Variants in XYLT1 observed in about 807,000 individuals in gnomAD.
XYLT1 encodes the protein xylosyltransferase 1.
In XYLT1, 36 loss-of-function variants were observed where a neutral mutation model predicts 91.3. The ratio of observed to expected loss-of-function variants is 0.39; its 90% CI spans 0.30 to 0.52. The LOEUF (loss-of-function observed/expected upper bound fraction) is 0.52. XYLT1 is among the 20% of genes least tolerant of loss of function. The probability of loss-of-function intolerance (pLI) is 0.68; values close to 1 mark genes in which losing one functional copy is unlikely to be tolerated. For synonymous variants in XYLT1, 588 were observed against 532.0 expected (o/e 1.11, Z -1.45); for missense variants, 1,242 against 1,284.5 (o/e 0.97, Z 0.51).
intron 1 of XYLT1, among the ~76,000 whole-genome samples, chr16:17,441,767 G>A (rs1041601288): frequency 6.6e-6 from 1 of 152,106 alleles, no homozygotes; most frequent in African/African-American, 2.4e-5. Flanking sequence ...AATGGCTGAG[G>A]ATAAAGATAG....
intron 2 of XYLT1, among the ~76,000 whole-genome samples, chr16:17,342,854 A>T (rs576204346): frequency 6.6e-6 from 1 of 152,244 alleles, no homozygotes; most frequent in African/African-American, 2.4e-5. Flanking sequence ...GGCACTCAAC[A>T]CATATTTATT....
At chr16:17,174,302 G>A (rs988877090) in intron 5 of XYLT1, among the ~76,000 whole-genome samples, 4 of 152,068 alleles carry the variant, frequency 2.6e-5, no homozygotes, top group Admixed American at 1.3e-4. Flanking sequence ...ACAGGTGTTC[G>A]AACAAAACTT....
At chr16:17,285,353 C>A (rs193170933) in intron 2 of XYLT1, among the ~76,000 whole-genome samples, 10 of 152,290 alleles carry the variant, frequency 6.6e-5, no homozygotes, top group Admixed American at 6.5e-4. Context: ...TTTAAAGCAT[C>A]CCGGAAGCCC....
Position 17,380,615 on chromosome 16 carries a change from G to A in XYLT1, c.364-22565C>T, listed in dbSNP as rs75180067. The stretch of plus-strand genomic sequence containing the variant: ...AAAATTAAATATAGAAAAACTAGAT[G>A]TCAAATGCTATATAATCAGCAATTC... On this transcript the variant is annotated intron_variant, in intron 1 of 11. Coordinates refer to ENST00000261381, the MANE Select transcript of XYLT1 (RefSeq NM_022166.4). 3.2e-4 allele frequency among the ~76,000 whole-genome samples: 48 copies of A among 152,326 alleles called. No individual in the cohort carries two copies. The East Asian group carries it at 9.1e-3, about 29-fold the overall frequency.
rs142436161 is a variant in XYLT1 at position 17,186,457 on chromosome 16, C to T, written c.1289+11755G>A. 6.0e-3 allele frequency among the ~76,000 whole-genome samples: 832 copies of T among 139,476 alleles called. 7 individuals are homozygous for T. The highest frequency in any genetic ancestry group is 0.023 in the African/African-American group (797 of 35,226). The allele number at this position is 139,476 out of a possible 152,430, so 91.5% of individuals were successfully genotyped here. A position where few individuals can be genotyped will look rare whatever the true frequency, so the allele number is the denominator to read the frequency against. On this transcript the variant is annotated intron_variant, in intron 5 of 11. Transcript: ENST00000261381. ...CTGGCGTTACAGGGGTGCACCACCA[C>T]ACCTGGTTAATTTTTTTTTTTTTTT...
At chr16:17,391,014 G>A (rs1336958106) in intron 1 of XYLT1, among the ~76,000 whole-genome samples, 1 of 152,044 alleles carries the variant, frequency 6.6e-6, no homozygotes, top group African/African-American at 2.4e-5. Context: ...CTCCAGCATG[G>A]GCGACAGAGC....
intron 1 of XYLT1, among the ~76,000 whole-genome samples, chr16:17,453,958 G>C (rs1027829093): frequency 1.3e-5 from 2 of 152,186 alleles, no homozygotes; most frequent in Admixed American, 6.5e-5. Context: ...GACTAAGAAT[G>C]GAAGAACAAT....
At chr16:17,430,899 CT>C (rs1779210025) in intron 1 of XYLT1, among the ~76,000 whole-genome samples, 1 of 152,034 alleles carries the variant, frequency 6.6e-6, no homozygotes, top group Admixed American at 6.6e-5. Flanking sequence ...CTGAACAGCA[CT>C]CATAACTTAG....
intron 3 of XYLT1, among the ~76,000 whole-genome samples, chr16:17,228,673 T>C (rs1044700879): frequency 6.6e-6 from 1 of 152,086 alleles, no homozygotes; most frequent in Non-Finnish European, 1.5e-5. Context: ...GGCAGCTTCA[T>C]CTCCCCTTCT....
chr16:17,427,659 T>C (rs921645306), intron 1 of XYLT1, among the ~76,000 whole-genome samples: 7 of 152,190 alleles, frequency 4.6e-5, no homozygotes, highest in African/African-American at 1.7e-4. Flanking sequence ...AAGATGCTTC[T>C]ACAACAGCTG....
chr16:17,373,291 G>A (rs535299337), intron 1 of XYLT1, among the ~76,000 whole-genome samples: 2 of 152,246 alleles, frequency 1.3e-5, no homozygotes, highest in South Asian at 2.1e-4. Flanking sequence ...AGTAATCAGC[G>A]TCTACAGTGC....
chr16:17,235,825 A>AG (rs1189207050), intron 3 of XYLT1, among the ~76,000 whole-genome samples: 2 of 152,172 alleles, frequency 1.3e-5, no homozygotes, highest in East Asian at 3.9e-4. Flanking sequence ...AACCATCCCT[A>AG]GCCTTTTAAT....
At chr16:17,351,922 C>T (rs116309129) in intron 2 of XYLT1, among the ~76,000 whole-genome samples, 5,592 of 152,158 alleles carry the variant, frequency 0.037, 364 homozygotes, top group African/African-American at 0.13. Flanking sequence ...GGCGGGCGGA[C>T]TGCTTGAGCC....
rs1299078169 is a variant in XYLT1 at position 17,102,130 on chromosome 16, T to C, written c.*6565A>G. 6.6e-6 allele frequency: 1 copy of C among 152,174 alleles called. No individual in the cohort carries two copies. Among genetic ancestry groups the C allele is most frequent in the African/African-American group, 2.4e-5 (1 of 41,440 alleles). 9.4% of individuals were successfully genotyped at this position (152,174 alleles called of 1,614,324 possible). ...GAAATGTGTCCACACACCCAGGTTTTCCCAGGATAGGCCATTTATGCCTGC... is the reference window on the plus strand; with the variant it reads ...GAAATGTGTCCACACACCCAGGTTTCCCCAGGATAGGCCATTTATGCCTGC... On this transcript the variant is annotated 3_prime_UTR_variant, in exon 12 of 12. Coordinates refer to ENST00000261381, the MANE Select transcript of XYLT1 (RefSeq NM_022166.4).
intron 1 of XYLT1, among the ~76,000 whole-genome samples, chr16:17,388,851 G>C (rs957406524): frequency 6.6e-6 from 1 of 152,174 alleles, no homozygotes; most frequent in Non-Finnish European, 1.5e-5. Context: ...GCTGGCTCAC[G>C]CTCAGTGTGG....
chr16:17,322,808 G>A (rs1203477069), intron 2 of XYLT1, among the ~76,000 whole-genome samples: 1 of 152,178 alleles, frequency 6.6e-6, no homozygotes, highest in Non-Finnish European at 1.5e-5. Flanking sequence ...GCAAGTGTTT[G>A]GTGACCATCA....
intron 2 of XYLT1, among the ~76,000 whole-genome samples, chr16:17,260,908 C>G (rs748765895): frequency 6.6e-6 from 1 of 152,190 alleles, no homozygotes; most frequent in Non-Finnish European, 1.5e-5. Flanking sequence ...TCCTCACCAT[C>G]CATATACGAC....
intron 1 of XYLT1, among the ~76,000 whole-genome samples, chr16:17,365,237 C>A (rs764806611): frequency 6.6e-6 from 1 of 152,164 alleles, no homozygotes; most frequent in African/African-American, 2.4e-5. Flanking sequence ...GGAAGTGGGA[C>A]TCTTTTTCAA....
intron 2 of XYLT1, among the ~76,000 whole-genome samples, chr16:17,314,624 C>T (rs2034598087): frequency 6.6e-6 from 1 of 152,120 alleles, no homozygotes; most frequent in South Asian, 2.1e-4. Context: ...CCCTCCCATT[C>T]CAGGAAAGAA....
Sources: allele counts gnomAD v4.1 joint callset (sites outside exome capture counted in the v4.1 genomes callset), GRCh38; gene constraint gnomAD v4.1.1; transcripts MANE v1.5; gene names NCBI Gene and HGNC (gene_info 2026-07-23, HGNC 2026-07-21).